The following ZMYM2 variants were observed in gnomAD, a reference collection of about 807,000 sequenced individuals.
ZMYM2 encodes the protein zinc finger MYM-type containing 2.
ZMYM2 carries 56 observed loss-of-function variants against 162.8 expected under a neutral mutation model. That is an observed-to-expected ratio of 0.34 (90% CI 0.28 to 0.43). The LOEUF (loss-of-function observed/expected upper bound fraction) is 0.43. ZMYM2 is among the 20% of genes least tolerant of loss of function. The pLI is 1.00. For synonymous variants in ZMYM2, 510 were observed against 541.6 expected (o/e 0.94, Z 0.81); for missense variants, 1,275 against 1,621.8 (o/e 0.79, Z 3.67).
chr13:20,081,738 T>G (rs917867041), intron 21 of ZMYM2, among the ~76,000 whole-genome samples: 1 of 152,144 alleles, frequency 6.6e-6, no homozygotes, highest in African/African-American at 2.4e-5. Context: ...ATATTCTTTT[T>G]TTTTTCTGTC....
At chr13:19,977,840 G>C (rs1288612283) in intron 2 of ZMYM2, among the ~76,000 whole-genome samples, 1 of 149,068 alleles carries the variant, frequency 6.7e-6, no homozygotes, top group Non-Finnish European at 1.5e-5. Context: ...TTTTTCTCTA[G>C]TGTACCATTT....
intron 12 of ZMYM2, among the ~76,000 whole-genome samples, chr13:20,039,291 A>C (rs1954014174): frequency 6.6e-6 from 1 of 152,128 alleles, no homozygotes; most frequent in South Asian, 2.1e-4. Context: ...TGCTCTGGCC[A>C]GGACTTCCAA....
At chr13:19,883,054 G>T in the ZMYM2 span, among the ~76,000 whole-genome samples, 1 of 152,020 alleles carries the variant, frequency 6.6e-6, no homozygotes. Context: ...TACATACAAT[G>T]GAATATTATT....
intron 13 of ZMYM2, 134 bp downstream of exon 13, chr13:20,051,732 G>T (rs1395888717): frequency 3.5e-6 from 3 of 862,400 alleles, no homozygotes; most frequent in African/African-American, 3.5e-5. Flanking sequence ...TAGATTCTCT[G>T]GGTCGAAGTA....
rs115065475 is a variant in ZMYM2 at position 19,976,608 on chromosome 13, T to G, written c.-10-16455T>G. 3.0e-3 allele frequency among the ~76,000 whole-genome samples: 458 copies of G among 152,284 alleles called. 4 individuals are homozygous for G. The highest frequency in any genetic ancestry group is 0.01 in the African/African-American group (436 of 41,558). On this transcript the variant is annotated intron_variant, in intron 2 of 24. Coordinates refer to ENST00000610343, the MANE Select transcript of ZMYM2 (RefSeq NM_197968.4). The stretch of plus-strand genomic sequence containing the variant: ...GCCCCTGGTAACCACCATTTTACTT[T>G]CTGTTTATGAATTTGACTACTTTAG...
At chr13:19,870,278 C>T in the ZMYM2 span, among the ~76,000 whole-genome samples, 1 of 152,178 alleles carries the variant, frequency 6.6e-6, no homozygotes, top group East Asian at 1.9e-4. Context: ...GCCTCAGCCT[C>T]CCAAGTAGCT....
At chr13:19,963,262 C>A (rs1004581010) in intron 2 of ZMYM2, among the ~76,000 whole-genome samples, 1 of 152,108 alleles carries the variant, frequency 6.6e-6, no homozygotes, top group Non-Finnish European at 1.5e-5. Context: ...GCTTTGACTC[C>A]CTGCGTTTTG....
At chr13:20,082,719 A>G in intron 22 of ZMYM2, 62 bp from the exon 23 acceptor site, 1 of 1,345,112 alleles carries the variant, frequency 7.4e-7, no homozygotes, top group Non-Finnish European at 9.9e-7. Context: ...GTCTGCTTCT[A>G]GATGGTTAAA....
Position 20,028,302 on chromosome 13 carries a change from T to C in ZMYM2, c.1851+984T>C, listed in dbSNP as rs114488771. Among the ~76,000 whole-genome samples the C allele has an allele frequency of 7.5e-3, 1,139 of 152,292 alleles. 11 individuals carry two copies. The highest frequency in any genetic ancestry group is 0.025 in the African/African-American group (1,036 of 41,574). ...ACATCCTTACAGTGGTAGATATTGC[T>C]TTTGCCTTGTTGGCTTTTCTTAAAC... is the stretch of plus-strand genomic sequence containing the variant. On this transcript the variant is annotated intron_variant, in intron 9 of 24. Coordinates refer to ENST00000610343, the MANE Select transcript of ZMYM2 (RefSeq NM_197968.4).
chr13:19,951,599 G>T, the ZMYM2 span, among the ~76,000 whole-genome samples: 5 of 148,626 alleles, frequency 3.4e-5, no homozygotes, highest in Non-Finnish European at 7.4e-5. Context: ...CTACTCAAGA[G>T]ATTGAGGCAG....
At chr13:19,935,969 G>T in the ZMYM2 span, among the ~76,000 whole-genome samples, 1 of 152,134 alleles carries the variant, frequency 6.6e-6, no homozygotes, top group Admixed American at 6.6e-5. Flanking sequence ...ATCAGAAAAC[G>T]TTATGCTAGT....
the ZMYM2 span, among the ~76,000 whole-genome samples, chr13:19,872,518 C>T: frequency 4.6e-5 from 7 of 151,714 alleles, no homozygotes; most frequent in African/African-American, 1.7e-4. Context: ...CCACTGCACT[C>T]CAGGCTGGGC....
Position 20,026,733 on chromosome 13 carries a change from G to A in ZMYM2, c.1706G>A (p.Ser569Asn), listed in dbSNP as rs749869088. The A allele has an allele frequency of 2.5e-6, 4 of 1,597,346 alleles. No individual in the cohort carries two copies. The East Asian group carries it at 9.0e-5, about 36-fold the overall frequency. ...TATTGTTCAACTGCTTGTATGAACA[G>A]TCACAAGACAAAATATGCAAAATCA... ...EPYCSTACMN[S>N]HKTKYAKSQS... The change falls in exon 8 of 25, where the codon AGT becomes AAT. Residue 569 changes from serine to asparagine, a missense_variant. By Grantham distance (46) the Ser-to-Asn change is conservative (BLOSUM62 1). Around this residue, in one of 10 missense-constraint regions of ZMYM2, gnomAD observed 276 missense variants for 311.8 expected, o/e 0.89. Coordinates refer to ENST00000610343, the MANE Select transcript of ZMYM2 (RefSeq NM_197968.4).
intron 4 of ZMYM2, among the ~76,000 whole-genome samples, 174 bp downstream of exon 4, chr13:20,003,309 T>C (rs867689181): frequency 3.9e-5 from 6 of 152,356 alleles, no homozygotes; most frequent in African/African-American, 1.4e-4. Flanking sequence ...GATAGGTCCT[T>C]ATAATTAATT....
the ZMYM2 span, among the ~76,000 whole-genome samples, chr13:19,952,440 A>G: frequency 6.6e-6 from 1 of 152,188 alleles, no homozygotes; most frequent in Non-Finnish European, 1.5e-5. Flanking sequence ...GGTTGTGCCT[A>G]TATTATTTAG....
At chr13:20,065,280 G>C (rs1200119119) in intron 19 of ZMYM2, among the ~76,000 whole-genome samples, 1 of 151,940 alleles carries the variant, frequency 6.6e-6, no homozygotes, top group African/African-American at 2.4e-5. Flanking sequence ...ACTTCTGCTT[G>C]ACACCAAACA....
chr13:20,068,672 T>C (rs1336180025), intron 21 of ZMYM2, among the ~76,000 whole-genome samples: 1 of 152,172 alleles, frequency 6.6e-6, no homozygotes, highest in African/African-American at 2.4e-5. Context: ...ATTTATACTG[T>C]ACCAGGTGTA....
intron 24 of ZMYM2, among the ~76,000 whole-genome samples, chr13:20,084,435 G>A (rs747466976): frequency 1.6e-4 from 25 of 152,058 alleles, no homozygotes; most frequent in Admixed American, 3.9e-4. Context: ...GTAACTAATC[G>A]GTTCTCTTGT....
At chr13:19,898,929 C>A in the ZMYM2 span, among the ~76,000 whole-genome samples, 1 of 149,364 alleles carries the variant, frequency 6.7e-6, no homozygotes, top group Admixed American at 6.7e-5. Context: ...CAAGACCCCA[C>A]TTCTTTTTTT....
Sources: gnomAD v4.1 joint callset for allele counts (sites outside exome capture counted in the v4.1 genomes callset) on GRCh38, gnomAD v4.1.1 for gene constraint, gnomAD v4.1.1 regional missense constraint, MANE v1.5 for transcripts, NCBI Gene and HGNC (gene_info 2026-07-23, HGNC 2026-07-21) for gene names.